Variants in PTPRM observed in about 807,000 individuals in gnomAD.
PTPRM encodes the protein receptor-type tyrosine-protein phosphatase mu.
In PTPRM, 47 loss-of-function variants were observed where a neutral mutation model predicts 186.7. That is an observed-to-expected ratio of 0.25 (90% CI 0.20 to 0.32). PTPRM has a LOEUF of 0.32. PTPRM is among the 10% of genes least tolerant of loss of function. The probability of loss-of-function intolerance (pLI) is 1.00; values close to 1 mark genes in which losing one functional copy is unlikely to be tolerated. For synonymous variants in PTPRM, 668 were observed against 674.9 expected, an observed-to-expected ratio of 0.99 and a Z score of 0.16; for missense variants, 1,494 against 1,865.0, an observed-to-expected ratio of 0.80 and a Z score of 3.66.
intron 1 of PTPRM, among the ~76,000 whole-genome samples, chr18:7,697,610 G>C (rs2039872531): frequency 6.6e-6 from 1 of 152,218 alleles, no homozygotes; most frequent in African/African-American, 2.4e-5. Flanking sequence ...TGGTTGAATA[G>C]AGAGTCTTAA....
chr18:7,779,999 G>A (rs528492448), intron 2 of PTPRM, among the ~76,000 whole-genome samples: 62 of 152,210 alleles, frequency 4.1e-4, no homozygotes, highest in African/African-American at 1.3e-3. Context: ...TTCTAGTGGC[G>A]AGTATTTAAG....
chr18:8,339,588 T>C (rs1172162194), intron 22 of PTPRM, among the ~76,000 whole-genome samples: 2 of 152,172 alleles, frequency 1.3e-5, no homozygotes, highest in African/African-American at 4.8e-5. Flanking sequence ...CAATCCACAG[T>C]GATCTTGGGA....
At chr18:8,003,128 C>T (rs1387213122) in intron 7 of PTPRM, among the ~76,000 whole-genome samples, 1 of 152,114 alleles carries the variant, frequency 6.6e-6, no homozygotes, top group East Asian at 1.9e-4. Flanking sequence ...CTCACCTTGA[C>T]TTGTAATAAT....
At chr18:7,635,900 C>T (rs962943856) in intron 1 of PTPRM, among the ~76,000 whole-genome samples, 15 of 152,194 alleles carry the variant, frequency 9.9e-5, no homozygotes, top group African/African-American at 3.6e-4. Flanking sequence ...ATAGAATGCC[C>T]ACTTCCACTA....
intron 19 of PTPRM, among the ~76,000 whole-genome samples, chr18:8,260,153 C>G (rs1455263611): frequency 6.6e-6 from 1 of 151,648 alleles, no homozygotes; most frequent in Non-Finnish European, 1.5e-5. Context: ...GAGAGAGGAC[C>G]AAACAGAAGG....
At chr18:7,920,892 TA>T (rs1291008847) in intron 4 of PTPRM, among the ~76,000 whole-genome samples, 1 of 152,056 alleles carries the variant, frequency 6.6e-6, no homozygotes, top group Non-Finnish European at 1.5e-5. Flanking sequence ...GATGGCAATT[TA>T]AAAAAAATTT....
chr18:7,814,565 C>T (rs567702259), intron 2 of PTPRM: 1 of 152,322 alleles, frequency 6.6e-6, no homozygotes, highest in Non-Finnish European at 1.5e-5. Context: ...TCACCTAATT[C>T]ACTGGAGAGG....
chr18:7,584,471 A>C (rs1201869808), intron 1 of PTPRM, among the ~76,000 whole-genome samples: 1 of 152,330 alleles, frequency 6.6e-6, no homozygotes, highest in East Asian at 1.9e-4. Context: ...CTTCATGGTA[A>C]CTCAAGGCCC....
intron 14 of PTPRM, among the ~76,000 whole-genome samples, chr18:8,144,041 A>G (rs1167757580): frequency 6.6e-6 from 1 of 152,212 alleles, no homozygotes; most frequent in East Asian, 1.9e-4. Flanking sequence ...AGTGGCAGAT[A>G]AAGCTCTGCA....
chr18:8,050,967 G>A (rs979593778), intron 7 of PTPRM, among the ~76,000 whole-genome samples: 1 of 152,146 alleles, frequency 6.6e-6, no homozygotes, highest in Non-Finnish European at 1.5e-5. Flanking sequence ...TCAGAGCCAG[G>A]CTGCACTCAG....
chr18:7,985,120 T>A (rs1386631649), intron 7 of PTPRM, among the ~76,000 whole-genome samples: 2 of 131,186 alleles, frequency 1.5e-5, no homozygotes, highest in Non-Finnish European at 3.1e-5. Flanking sequence ...TAATTGTATA[T>A]ACACATATAA....
At chr18:7,601,607 T>C (rs949667973) in intron 1 of PTPRM, among the ~76,000 whole-genome samples, 4 of 152,210 alleles carry the variant, frequency 2.6e-5, no homozygotes, top group Non-Finnish European at 5.9e-5. Context: ...GGGTTTATTC[T>C]CTTCTGTGTG....
chr18:8,167,353 A>G (rs2146410516), intron 14 of PTPRM, among the ~76,000 whole-genome samples: 1 of 152,174 alleles, frequency 6.6e-6, no homozygotes, highest in East Asian at 1.9e-4. Context: ...CTTTGTGTAC[A>G]CTTCATTGTC....
At chr18:8,164,804 A>G (rs538028643) in intron 14 of PTPRM, among the ~76,000 whole-genome samples, 17 of 152,358 alleles carry the variant, frequency 1.1e-4, no homozygotes, top group South Asian at 6.2e-4. Flanking sequence ...GCATGACTCA[A>G]TGCCACTGAA....
intron 1 of PTPRM, among the ~76,000 whole-genome samples, chr18:7,610,117 A>G (rs1598517456): frequency 6.6e-6 from 1 of 152,348 alleles, no homozygotes; most frequent in Admixed American, 6.5e-5. Flanking sequence ...GATAAGGTAA[A>G]TGGTCATTTT....
chr18:8,127,386 C>T lies in PTPRM; in HGVS notation c.2167+12559C>T, dbSNP rs541869300. 4.8e-4 allele frequency among the ~76,000 whole-genome samples: 71 copies of T among 147,992 alleles called. No individual in the cohort carries two copies. In the South Asian group the frequency reaches 8.6e-3, roughly 18 times the overall value. On this transcript the variant is annotated intron_variant, in intron 13 of 32. Coordinates refer to ENST00000580170, the MANE Select transcript of PTPRM (RefSeq NM_001105244.2). Reference sequence around the variant, plus strand: ...CCTCAGCCTGCCACTCAGTGCTTGGCACATGAACGGCACTCAGAGTCCAGC... The same window carrying T: ...CCTCAGCCTGCCACTCAGTGCTTGGTACATGAACGGCACTCAGAGTCCAGC...
chr18:7,945,701 G>GT (rs796468288), intron 5 of PTPRM, among the ~76,000 whole-genome samples: 363 of 151,182 alleles, frequency 2.4e-3, no homozygotes, highest in African/African-American at 7.7e-3. Flanking sequence ...TGCCTTGTCT[G>GT]TTTTTTTTTC....
chr18:7,743,022 A>G (rs931197729), intron 1 of PTPRM, among the ~76,000 whole-genome samples: 1 of 152,206 alleles, frequency 6.6e-6, no homozygotes, highest in African/African-American at 2.4e-5. Context: ...TGTCTGACGG[A>G]TGAGAAAGAG....
In PTPRM at chr18:8,373,884, C is replaced by T. The variant is rs113358390; in HGVS notation, c.3172-2162C>T. Among the ~76,000 whole-genome samples the T allele has an allele frequency of 6.9e-3, 980 of 141,806 alleles. 11 individuals carry two copies. Among genetic ancestry groups the T allele is most frequent in the African/African-American group, 0.025 (931 of 37,972 alleles). The allele number at this position is 141,806 out of a possible 152,430, so 93.0% of individuals were successfully genotyped here. A position where few individuals can be genotyped will look rare whatever the true frequency, so the allele number is the denominator to read the frequency against. ...TGGGCAACAGAATGAGACCCTGTCT[C>T]GGAAAAAAAAAAAAAAAATTAAGTG... On this transcript the variant is annotated intron_variant, in intron 24 of 32. Coordinates refer to ENST00000580170, the MANE Select transcript of PTPRM (RefSeq NM_001105244.2).
Sources: gnomAD v4.1 joint callset for allele counts (sites outside exome capture counted in the v4.1 genomes callset) on GRCh38, gnomAD v4.1.1 for gene constraint, MANE v1.5 for transcripts, NCBI Gene and HGNC (gene_info 2026-07-23, HGNC 2026-07-21) for gene names.